TLR6: variants seen among roughly 807,000 people sequenced by gnomAD.
TLR6 encodes toll-like receptor 6.
In TLR6, 9 loss-of-function variants were observed where a neutral mutation model predicts 16.1. The ratio of observed to expected loss-of-function variants is 0.56; its 90% CI spans 0.34 to 0.98. The LOEUF (loss-of-function observed/expected upper bound fraction) is 0.98. Ranked by LOEUF, TLR6 falls within the 50% of genes least tolerant of loss-of-function variation. TLR6 has a pLI of 0.02. For missense variants in TLR6, 786 were observed against 921.0 expected (o/e 0.85, Z 1.90); for synonymous variants, 340 against 338.6 (o/e 1.00, Z -0.04).
chr4:38,857,321 T>C (rs553425285), upstream of TLR6, among the ~76,000 whole-genome samples: 3 of 152,244 alleles, frequency 2.0e-5, no homozygotes, highest in Non-Finnish European at 4.4e-5. Context: ...TATGACTACA[T>C]ATTTAGCCAT....
intron 1 of TLR6, among the ~76,000 whole-genome samples, chr4:38,850,626 C>T (rs146468588): frequency 0.21 from 32,554 of 152,080 alleles, 4,195 homozygotes; most frequent in Non-Finnish European, 0.28. Context: ...ACTAGAAAAT[C>T]TAGAAGAAGT....
intron 1 of TLR6, among the ~76,000 whole-genome samples, chr4:38,842,837 G>C (rs1172788572): frequency 6.6e-6 from 1 of 150,452 alleles, no homozygotes; most frequent in Non-Finnish European, 1.5e-5. Context: ...CCATAGCAAT[G>C]ACACATATAC....
At chr4:38,833,274 A>G (rs933713923) in intron 1 of TLR6, among the ~76,000 whole-genome samples, 2 of 152,198 alleles carry the variant, frequency 1.3e-5, no homozygotes, top group Non-Finnish European at 2.9e-5. Context: ...GAGTGCCCAC[A>G]TATTTCACAC....
chr4:38,856,302 GGACA>G (rs1712984676), intron 1 of TLR6, among the ~76,000 whole-genome samples: 1 of 152,138 alleles, frequency 6.6e-6, no homozygotes, highest in South Asian at 2.1e-4. Flanking sequence ...TATGAATTAG[GGACA>G]GACACAGACC....
At chr4:38,841,734 G>T (rs1196652504) in intron 1 of TLR6, among the ~76,000 whole-genome samples, 1 of 152,184 alleles carries the variant, frequency 6.6e-6, no homozygotes, top group Non-Finnish European at 1.5e-5. Context: ...AAGGACTTAG[G>T]TTGCCCATCA....
intron 1 of TLR6, among the ~76,000 whole-genome samples, chr4:38,831,293 C>CAAA (rs59585432): frequency 6.1e-4 from 86 of 140,484 alleles, no homozygotes; most frequent in African/African-American, 2.0e-3. Context: ...CCTCCACATG[C>CAAA]AAAAAAAAAA....
At chr4:38,827,521 A>C (rs778656897) in exon 2 of TLR6, 1 of 1,614,220 alleles carries the variant, frequency 6.2e-7, no homozygotes, top group Non-Finnish European at 8.5e-7. Flanking sequence ...AGGCAGAATC[A>C]TGTTCACTAT....
intron 1 of TLR6, among the ~76,000 whole-genome samples, chr4:38,841,068 A>AT (rs1712235234): frequency 6.6e-6 from 1 of 151,932 alleles, no homozygotes; most frequent in East Asian, 1.9e-4. Context: ...TGGATGGTTA[A>AT]TTTTTTTGCT....
At chr4:38,859,082 G>A (rs1045851973), upstream of TLR6, among the ~76,000 whole-genome samples, 7 of 152,208 alleles carry the variant, frequency 4.6e-5, no homozygotes, top group African/African-American at 1.7e-4. Context: ...ACTTAGCGCA[G>A]CTGGGTAATC....
chr4:38,831,619 G>A (rs574903347), intron 1 of TLR6, among the ~76,000 whole-genome samples: 1 of 152,274 alleles, frequency 6.6e-6, no homozygotes, highest in East Asian at 1.9e-4. Flanking sequence ...ATATATGATA[G>A]GGACTTGTAT....
intron 1 of TLR6, among the ~76,000 whole-genome samples, chr4:38,846,685 T>C (rs1458430194): frequency 6.6e-6 from 1 of 152,136 alleles, no homozygotes; most frequent in Non-Finnish European, 1.5e-5. Context: ...TACCAAAAAG[T>C]ATTGATGACA....
Position 38,845,949 on chromosome 4 carries a change from G to A in TLR6, c.-65+10812C>T, listed in dbSNP as rs559026552. ...TCCATTAAAAATACAAAAATTAGCCGGGTGTGGCAGTGGGTGCCTGCAGTC... is the reference window on the plus strand; with the variant it reads ...TCCATTAAAAATACAAAAATTAGCCAGGTGTGGCAGTGGGTGCCTGCAGTC... On this transcript the variant is annotated intron_variant, in intron 1 of 1. Coordinates refer to ENST00000436693, the Ensembl canonical transcript of TLR6. Among the ~76,000 whole-genome samples the A allele has an allele frequency of 1.1e-3, 173 of 152,042 alleles. 1 individual carries two copies. In the Middle Eastern group the frequency reaches 0.017, roughly 15 times the overall value.
chr4:38,868,333 G>A, the TLR6 span: 1 of 153,002 alleles, frequency 6.5e-6, no homozygotes, highest in Admixed American at 6.6e-5. Flanking sequence ...CCTGCCCTCG[G>A]CCTTGGCACA....
intron 1 of TLR6, among the ~76,000 whole-genome samples, chr4:38,841,122 T>A (rs1000479057): frequency 6.6e-6 from 1 of 152,206 alleles, no homozygotes; most frequent in Admixed American, 6.5e-5. Flanking sequence ...CAACACTATT[T>A]TTTACAATTT....
chr4:38,826,835 A>G (rs961212994), exon 2 of TLR6: 41 of 331,816 alleles, frequency 1.2e-4, no homozygotes, highest in African/African-American at 8.5e-4. Flanking sequence ...TGAAAAACTG[A>G]GCATTTACTC....
At chr4:38,854,971 A>G (rs1712919286) in intron 1 of TLR6, among the ~76,000 whole-genome samples, 1 of 152,186 alleles carries the variant, frequency 6.6e-6, no homozygotes, top group South Asian at 2.1e-4. Context: ...GCACTTTGGG[A>G]GGCCAAGGCG....
chr4:38,862,075 T>C, the TLR6 span, among the ~76,000 whole-genome samples: 1 of 152,150 alleles, frequency 6.6e-6, no homozygotes, highest in South Asian at 2.1e-4. Flanking sequence ...TTTCCACATC[T>C]TCCCCTGAAA....
Position 38,841,402 on chromosome 4 carries a change from G to A in TLR6, c.-64-11865C>T, listed in dbSNP as rs561536588. ...GCTCTGGGGTTTGAGACCAACCCGG[G>A]CAACACAGTGAAACCCTGTCTCTAC... On this transcript the variant is annotated intron_variant, in intron 1 of 1. Transcript: ENST00000436693. Among the ~76,000 whole-genome samples the A allele has an allele frequency of 9.9e-5, 15 of 152,178 alleles. No homozygotes were observed. In the South Asian group the frequency reaches 2.9e-3, roughly 29 times the overall value.
chr4:38,829,354 T>G (rs199862898), exon 2 of TLR6: 1 of 1,614,128 alleles, frequency 6.2e-7, no homozygotes, highest in East Asian at 2.2e-5. Flanking sequence ...TAAGACCTCT[T>G]TTTGACTTGT....
Sources: gnomAD v4.1 joint callset for allele counts (sites outside exome capture counted in the v4.1 genomes callset) on GRCh38, gnomAD v4.1.1 for gene constraint, MANE v1.5 for transcripts, NCBI Gene and HGNC (gene_info 2026-07-23, HGNC 2026-07-21) for gene names.